Variants in SEPTIN7 observed in about 807,000 individuals in gnomAD.
The protein encoded by SEPTIN7 is septin-7.
SEPTIN7 carries 10 observed loss-of-function variants against 63.3 expected under a neutral mutation model. The ratio of observed to expected loss-of-function variants is 0.16; its 90% CI spans 0.10 to 0.27. The LOEUF (loss-of-function observed/expected upper bound fraction) is 0.27. Ranked by LOEUF, SEPTIN7 falls within the 10% of genes least tolerant of loss-of-function variation. The pLI is 1.00. For missense variants in SEPTIN7, 310 were observed against 521.0 expected, an observed-to-expected ratio of 0.59 and a Z score of 3.94; for synonymous variants, 131 against 165.3, an observed-to-expected ratio of 0.79 and a Z score of 1.59.
intron 3 of SEPTIN7, among the ~76,000 whole-genome samples, chr7:35,854,659 A>G (rs1445983600): frequency 1.3e-5 from 2 of 152,230 alleles, no homozygotes; most frequent in Non-Finnish European, 2.9e-5. Flanking sequence ...ACTGGACTCA[A>G]TAATCATTTT....
At chr7:35,846,991 C>T (rs543666763) in intron 3 of SEPTIN7, 39 of 154,266 alleles carry the variant, frequency 2.5e-4, no homozygotes, top group Admixed American at 6.5e-4. Context: ...CTCGCCAAGA[C>T]CATGCAGATT....
At chr7:35,857,756 TA>T (rs1785279246) in intron 3 of SEPTIN7, among the ~76,000 whole-genome samples, 1 of 152,160 alleles carries the variant, frequency 6.6e-6, no homozygotes, top group Non-Finnish European at 1.5e-5. Flanking sequence ...TGCTAATTTT[TA>T]AAGAGTATTA....
At chr7:35,893,735 A>C (rs1368709630) in intron 11 of SEPTIN7, among the ~76,000 whole-genome samples, 1 of 147,006 alleles carries the variant, frequency 6.8e-6, no homozygotes, top group Non-Finnish European at 1.5e-5. Flanking sequence ...TAGATGTCTG[A>C]AAATGTGCCT....
At chr7:35,891,027 CA>C in intron 11 of SEPTIN7, among the ~76,000 whole-genome samples, 1 of 152,292 alleles carries the variant, frequency 6.6e-6, no homozygotes, top group South Asian at 2.1e-4. Context: ...CAGGCTTTAA[CA>C]AAAGGAATAT....
chr7:35,846,203 CTA>C (rs1784658813), intron 3 of SEPTIN7, among the ~76,000 whole-genome samples: 1 of 152,138 alleles, frequency 6.6e-6, no homozygotes, highest in South Asian at 2.1e-4. Flanking sequence ...AAGCATTTCT[CTA>C]TGTCAGATTT....
In SEPTIN7 at chr7:35,875,509, A is replaced by G. The variant is rs1354842025; in HGVS notation, c.512+1734A>G. Among the ~76,000 whole-genome samples, 11 of 148,822 alleles carry G rather than the reference A, an allele frequency of 7.4e-5. No homozygotes were observed. The East Asian group carries it at 2.2e-3, about 29-fold the overall frequency. On this transcript the variant is annotated intron_variant, in intron 6 of 13. Coordinates refer to ENST00000350320, the MANE Select transcript of SEPTIN7 (RefSeq NM_001788.6). ...CCTTTTTGGAGGGATTTGTTTTTAG[A>G]TAATTATAAATTGGTCCAACAGTGT...
At chr7:35,810,195 T>C (rs1280756265) in intron 1 of SEPTIN7, among the ~76,000 whole-genome samples, 1 of 152,160 alleles carries the variant, frequency 6.6e-6, no homozygotes, top group Non-Finnish European at 1.5e-5. Context: ...GTGCTTTGAA[T>C]TTTTATGTTT....
At chr7:35,821,564 A>G (rs1439094168) in intron 1 of SEPTIN7, among the ~76,000 whole-genome samples, 1 of 152,182 alleles carries the variant, frequency 6.6e-6, no homozygotes, top group African/African-American at 2.4e-5. Context: ...GCTTTGTTGA[A>G]TATTCTTTTA....
intron 1 of SEPTIN7, among the ~76,000 whole-genome samples, chr7:35,827,152 G>A (rs747417199): frequency 6.6e-6 from 1 of 152,218 alleles, no homozygotes; most frequent in East Asian, 1.9e-4. Flanking sequence ...TAGCAGATAC[G>A]CTTTTAGAAA....
At chr7:35,915,097 A>G in the SEPTIN7 span, among the ~76,000 whole-genome samples, 1 of 152,060 alleles carries the variant, frequency 6.6e-6, no homozygotes, top group African/African-American at 2.4e-5. Flanking sequence ...ATATATGCGT[A>G]TGTACACAGG....
chr7:35,839,165 T>A (rs576981053), intron 3 of SEPTIN7, among the ~76,000 whole-genome samples: 1 of 152,302 alleles, frequency 6.6e-6, no homozygotes. Context: ...AGGACCTGCC[T>A]TTTTGAAAAG....
chr7:35,845,511 C>G (rs1784615104), intron 3 of SEPTIN7, among the ~76,000 whole-genome samples: 2 of 152,156 alleles, frequency 1.3e-5, no homozygotes, highest in South Asian at 4.1e-4. Flanking sequence ...CTGGGCAAAG[C>G]TGTTTTCTGG....
At chr7:35,865,137 T>G (rs1785737367) in intron 4 of SEPTIN7, among the ~76,000 whole-genome samples, 1 of 152,136 alleles carries the variant, frequency 6.6e-6, no homozygotes, top group South Asian at 2.1e-4. Flanking sequence ...ATATTGGAAA[T>G]TTTAATCCTA....
chr7:35,884,914 A>G (rs1390495633), intron 9 of SEPTIN7, among the ~76,000 whole-genome samples: 1 of 152,166 alleles, frequency 6.6e-6, no homozygotes, highest in Admixed American at 6.5e-5. Flanking sequence ...CAATAGGTTT[A>G]TTGTATTGGT....
intron 6 of SEPTIN7, among the ~76,000 whole-genome samples, chr7:35,874,868 A>G (rs1562567186): frequency 6.6e-6 from 1 of 152,142 alleles, no homozygotes; most frequent in Non-Finnish European, 1.5e-5. Flanking sequence ...AAAAGGCTCA[A>G]AAAAAGTAAT....
intron 5 of SEPTIN7, among the ~76,000 whole-genome samples, chr7:35,873,360 A>G (rs1786274859): frequency 6.6e-6 from 1 of 152,080 alleles, no homozygotes; most frequent in Non-Finnish European, 1.5e-5. Flanking sequence ...TTGTTTTCAT[A>G]TTATGAAGTG....
rs766695444 is a variant in SEPTIN7 at position 35,807,822 on chromosome 7, G to GT, written c.61+6558dup. On this transcript the variant is annotated intron_variant, in intron 1 of 13. Coordinates refer to ENST00000350320, the MANE Select transcript of SEPTIN7 (RefSeq NM_001788.6). The stretch of plus-strand genomic sequence containing the variant: ...TGCTTTTTAAAAATTTTATTGGGAG[G>GT]TTTTTTGTTGTTGTTTTGTTTTTTT... Among the ~76,000 whole-genome samples, 79 of 151,334 alleles carry GT rather than the reference G, an allele frequency of 5.2e-4. 1 individual carries two copies. Among genetic ancestry groups the GT allele is most frequent in the Admixed American group, 5.3e-4 (8 of 15,214 alleles).
intron 11 of SEPTIN7, among the ~76,000 whole-genome samples, chr7:35,892,803 TAAAG>T (rs1373013114): frequency 1.3e-5 from 2 of 152,128 alleles, no homozygotes; most frequent in African/African-American, 4.8e-5. Context: ...ATATATCTCT[TAAAG>T]AGAGGAATCA....
At chr7:35,886,596 C>T (rs1326198445) in intron 10 of SEPTIN7, among the ~76,000 whole-genome samples, 2 of 152,208 alleles carry the variant, frequency 1.3e-5, no homozygotes, top group African/African-American at 2.4e-5. Context: ...CCCCTCCCTA[C>T]CTGACTCCGC....
Sources: allele counts gnomAD v4.1 joint callset (sites outside exome capture counted in the v4.1 genomes callset), GRCh38; gene constraint gnomAD v4.1.1; transcripts MANE v1.5; gene names NCBI Gene and HGNC (gene_info 2026-07-23, HGNC 2026-07-21).